HSP90B1: variants seen among roughly 807,000 people sequenced by gnomAD.
HSP90B1 encodes the protein endoplasmin.
HSP90B1 carries 27 observed loss-of-function variants against 100.4 expected under a neutral mutation model. The observed-to-expected ratio is 0.27, with a 90% CI of 0.20 to 0.37. HSP90B1 has a LOEUF of 0.37. Among genes scored for constraint, HSP90B1 ranks in the 10% least tolerant of loss-of-function variants. HSP90B1 has a pLI of 1.00. For missense variants in HSP90B1, 678 were observed against 960.5 expected (o/e 0.71, Z 3.89); for synonymous variants, 304 against 330.8 (o/e 0.92, Z 0.88).
Position 103,943,632 on chromosome 12 carries a change from C to A in HSP90B1, c.1891-106C>A. On this transcript the variant is annotated intron_variant, in intron 13 of 17. Coordinates refer to ENST00000299767, the MANE Select transcript of HSP90B1 (RefSeq NM_003299.3). This position sits in a 1 kb window ranked among gnomAD's most constrained non-coding sequence, Gnocchi z 5.3. ...GAAAAGCTATTTTTATGACCTGCTTCTGTGTTTATGATCTTAAGTGATAAA... is the reference window on the plus strand; with the variant it reads ...GAAAAGCTATTTTTATGACCTGCTTATGTGTTTATGATCTTAAGTGATAAA... The A allele has an allele frequency of 8.7e-7, 1 of 1,147,340 alleles. No individual in the cohort carries two copies. The allele number at this position is 1,147,340 out of a possible 1,614,324, so 71.1% of individuals were successfully genotyped here. A position where few individuals can be genotyped will look rare whatever the true frequency, so the allele number is the denominator to read the frequency against.
At chr12:103,935,078 G>C (rs1159547712) in intron 5 of HSP90B1, among the ~76,000 whole-genome samples, 1 of 152,158 alleles carries the variant, frequency 6.6e-6, no homozygotes, top group Non-Finnish European at 1.5e-5. Context: ...CTCTTTGGGG[G>C]AAATATTCCT....
At chr12:103,937,962 T>G (rs1385520929) in intron 6 of HSP90B1, among the ~76,000 whole-genome samples, 156 bp downstream of exon 6, 2 of 151,616 alleles carry the variant, frequency 1.3e-5, no homozygotes, top group Non-Finnish European at 2.9e-5. Flanking sequence ...AGGTCAGGAG[T>G]TCGAGACCAG....
Position 103,942,810 on chromosome 12 carries a change from A to T in HSP90B1, c.1644+14A>T. The T allele has an allele frequency of 6.2e-7, 1 of 1,612,048 alleles. No individual in the cohort carries two copies. The highest frequency in any genetic ancestry group is 1.1e-5 in the South Asian group (1 of 90,822). ...AGCAGAAAAGAGGTGAGATGAACTC[A>T]TAAGTGTTGTCAGCCATTCTGGAAG... On this transcript the variant is annotated intron_variant, in intron 12 of 17. Coordinates refer to ENST00000299767, the MANE Select transcript of HSP90B1 (RefSeq NM_003299.3).
intron 5 of HSP90B1, among the ~76,000 whole-genome samples, chr12:103,936,622 CAAA>C (rs10611658): frequency 0.58 from 68,044 of 116,820 alleles, 20,109 homozygotes; most frequent in Non-Finnish European, 0.69. Flanking sequence ...GACAGAGGTC[CAAA>C]AAAAAAAAAA....
intron 1 of HSP90B1, among the ~76,000 whole-genome samples, chr12:103,931,318 G>C (rs1473528830): frequency 6.6e-6 from 1 of 152,190 alleles, no homozygotes; most frequent in African/African-American, 2.4e-5. Context: ...CCGTATTTCA[G>C]GATCTACTGG....
intron 5 of HSP90B1, among the ~76,000 whole-genome samples, chr12:103,936,376 T>C (rs1869914692): frequency 6.6e-6 from 1 of 152,164 alleles, no homozygotes; most frequent in Non-Finnish European, 1.5e-5. Flanking sequence ...GTGTGGTGGC[T>C]CATCCCTATA....
chr12:103,937,551 C>G (rs1276736980), intron 5 of HSP90B1, 144 bp from the exon 6 acceptor site: 3 of 615,926 alleles, frequency 4.9e-6, no homozygotes, highest in African/African-American at 1.9e-5. Flanking sequence ...CTCACAAACC[C>G]TTGTTGGTGA....
At chr12:103,937,395 T>C (rs1869948360) in intron 5 of HSP90B1, among the ~76,000 whole-genome samples, 1 of 152,260 alleles carries the variant, frequency 6.6e-6, no homozygotes, top group Non-Finnish European at 1.5e-5. Flanking sequence ...AATATTTCAG[T>C]GCTTTCTCAC....
rs367709041 is a variant in HSP90B1, at chr12:103,946,629, G to A, written c.2039G>A (p.Ser680Asn). ...TTATCTCTTAACAGTTACTATGCGAGTCAGAAGAAAACATTTGAAATTAAT... is the reference window on the plus strand; with the variant it reads ...TTATCTCTTAACAGTTACTATGCGAATCAGAAGAAAACATTTGAAATTAAT... ...GKDISTNYYASQKKTFEINPR... is the reference protein window; with the variant it reads ...GKDISTNYYANQKKTFEINPR... The change falls in exon 15 of 18, where the codon AGT (serine) becomes AAT (asparagine). Residue 680 changes from serine (S) to asparagine (N), a missense_variant. Physicochemically the swap from Ser to Asn is conservative, Grantham distance 46. This residue lies in a region of HSP90B1 where 64 missense variants were observed against 66.4 expected (regional missense o/e 0.96). Transcript: ENST00000299767. 3 of 1,613,038 alleles carry A rather than the reference G, an allele frequency of 1.9e-6. No homozygotes were observed. The highest frequency in any genetic ancestry group is 2.5e-6 in the Non-Finnish European group (3 of 1,179,108).
chr12:103,946,646 G>T lies in HSP90B1; in HGVS notation c.2056G>T (p.Glu686Ter). The stretch of plus-strand genomic sequence containing the variant: ...CTATGCGAGTCAGAAGAAAACATTT[G>T]AAATTAATCCCAGACACCCGCTGAT... ...NYYASQKKTF[E>*]INPRHPLIRD... Residue 686 changes from glutamate (E) to a stop codon, truncating the protein, a stop_gained, in exon 15 of 18, where the codon GAA (glutamate) becomes TAA (stop). Transcript: ENST00000299767. LOFTEE classifies it high-confidence loss of function. The T allele has an allele frequency of 5.6e-6, 9 of 1,613,832 alleles. No homozygotes were observed. Among genetic ancestry groups the T allele is most frequent in the Non-Finnish European group, 7.6e-6 (9 of 1,179,778 alleles).
intron 4 of HSP90B1, among the ~76,000 whole-genome samples, chr12:103,933,596 A>C (rs1869827038): frequency 6.6e-6 from 1 of 152,268 alleles, no homozygotes; most frequent in Non-Finnish European, 1.5e-5. Flanking sequence ...TCCATCACAG[A>C]TTCCAAATAG....
chr12:103,947,456 G>C, intron 17 of HSP90B1, 26 bp downstream of exon 17: 1 of 1,614,024 alleles, frequency 6.2e-7, no homozygotes, highest in Non-Finnish European at 8.5e-7. Context: ...AATGTGACTT[G>C]CATTTTCAGT....
At chr12:103,932,089 A>G in intron 2 of HSP90B1, 188 bp from the exon 3 acceptor site, 1 of 532,332 alleles carries the variant, frequency 1.9e-6, no homozygotes. Context: ...GAGTATTTCC[A>G]GTGTAATGTT....
At chr12:103,933,068 G>T in intron 4 of HSP90B1, 126 bp downstream of exon 4, 1 of 618,262 alleles carries the variant, frequency 1.6e-6, no homozygotes, top group East Asian at 2.6e-5. Context: ...TCAGTGGCTT[G>T]AAAGTCATCA....
At chr12:103,932,762 A>T in intron 3 of HSP90B1, 64 bp from the exon 4 acceptor site, 1 of 876,338 alleles carries the variant, frequency 1.1e-6, no homozygotes, top group Non-Finnish European at 1.9e-6. Context: ...GGTTTGGCAT[A>T]AAATCGAATA....
At position 103,943,952 on chromosome 12, in the gene HSP90B1, A is replaced by T. The variant is rs1004143878; in HGVS notation, c.2027+78A>T. The T allele has an allele frequency of 1.7e-5, 24 of 1,384,164 alleles. No individual in the cohort carries two copies. Among genetic ancestry groups the T allele is most frequent in the Middle Eastern group, 1.8e-4 (1 of 5,432 alleles). 85.7% of individuals were successfully genotyped at this position (1,384,164 alleles called of 1,614,324 possible). ...TGTTTTGGAGATAATACCAGCTTCA[A>T]TACAAAGAGTAAAATTGCCTTAAAT... is the stretch of plus-strand genomic sequence containing the variant. On this transcript the variant is annotated intron_variant, in intron 14 of 17. Coordinates refer to ENST00000299767, the MANE Select transcript of HSP90B1 (RefSeq NM_003299.3). This position sits in a 1 kb window ranked among gnomAD's most constrained non-coding sequence, Gnocchi z 5.3.
intron 2 of HSP90B1, chr12:103,932,013 G>T: frequency 4.4e-6 from 2 of 451,348 alleles, no homozygotes; most frequent in South Asian, 5.0e-5. Flanking sequence ...GAGCATAAAT[G>T]AGTATGACTT....
rs542459348 is a variant in HSP90B1 at position 103,943,584 on chromosome 12, C to G, written c.1891-154C>G. ...AATTCAGATTATCAAGTAAGTGCCCCTACAAATTCTCCTAAACCTTAAGAA... is the reference window on the plus strand; with the variant it reads ...AATTCAGATTATCAAGTAAGTGCCCGTACAAATTCTCCTAAACCTTAAGAA... On this transcript the variant is annotated intron_variant, in intron 13 of 17. Coordinates refer to ENST00000299767, the MANE Select transcript of HSP90B1 (RefSeq NM_003299.3). The surrounding 1 kb of genome is among the most constrained non-coding windows in gnomAD (Gnocchi z 5.3). 15 of 786,862 alleles carry G rather than the reference C, an allele frequency of 1.9e-5. No homozygotes were observed. The East Asian group carries it at 3.8e-4, about 20-fold the overall frequency. The allele number at this position is 786,862 out of a possible 1,614,324, so 48.7% of individuals were successfully genotyped here. A position where few individuals can be genotyped will look rare whatever the true frequency, so the allele number is the denominator to read the frequency against.
At chr12:103,932,586 A>G (rs1869800504) in intron 3 of HSP90B1, among the ~76,000 whole-genome samples, 168 bp downstream of exon 3, 1 of 152,250 alleles carries the variant, frequency 6.6e-6, no homozygotes, top group Admixed American at 6.5e-5. Flanking sequence ...GAAGAAAGGG[A>G]GTGTCAGACA....
Sources: gnomAD v4.1 joint callset for allele counts (sites outside exome capture counted in the v4.1 genomes callset) on GRCh38, gnomAD v4.1.1 for gene constraint, gnomAD v4.1.1 regional missense constraint, Gnocchi (gnomAD v3.1) non-coding constraint, MANE v1.5 for transcripts, NCBI Gene and HGNC (gene_info 2026-07-23, HGNC 2026-07-21) for gene names.